Variants in CNTN4 observed in about 807,000 individuals in gnomAD.
The protein encoded by CNTN4 is contactin-4.
Under a neutral mutation model 122.5 loss-of-function variants are expected in CNTN4, and 77 were observed. That is an observed-to-expected ratio of 0.63 (90% CI 0.52 to 0.76). CNTN4 has a LOEUF of 0.76. Among genes scored for constraint, CNTN4 ranks in the 30% least tolerant of loss-of-function variants. CNTN4 has a pLI of 0.00. For synonymous variants in CNTN4, 512 were observed against 447.0 expected (o/e 1.15, Z -1.83); for missense variants, 1,256 against 1,259.1 (o/e 1.00, Z 0.04).
chr3:2,724,584 T>G (rs2088083287), intron 4 of CNTN4, among the ~76,000 whole-genome samples: 1 of 152,078 alleles, frequency 6.6e-6, no homozygotes, highest in South Asian at 2.1e-4. Context: ...ATTACAAACC[T>G]GAAACATTTA....
At chr3:2,276,786 C>T (rs1333960505) in intron 2 of CNTN4, among the ~76,000 whole-genome samples, 5 of 152,022 alleles carry the variant, frequency 3.3e-5, no homozygotes, top group African/African-American at 7.2e-5. Flanking sequence ...CGTGGTGGCG[C>T]GTGCTTGTGA....
intron 3 of CNTN4, among the ~76,000 whole-genome samples, chr3:2,418,700 C>G (rs1280268654): frequency 6.6e-6 from 1 of 152,012 alleles, no homozygotes; most frequent in Non-Finnish European, 1.5e-5. Flanking sequence ...TTCAGCATTT[C>G]TGATATATAA....
At chr3:2,352,077 G>T (rs1162771202) in intron 3 of CNTN4, among the ~76,000 whole-genome samples, 1 of 152,122 alleles carries the variant, frequency 6.6e-6, no homozygotes, top group Non-Finnish European at 1.5e-5. Flanking sequence ...ATACAATTAT[G>T]ATTTATCAAT....
intron 2 of CNTN4, among the ~76,000 whole-genome samples, chr3:2,220,359 C>T (rs2039014734): frequency 6.6e-6 from 1 of 152,154 alleles, no homozygotes; most frequent in Non-Finnish European, 1.5e-5. Flanking sequence ...AAATTCCCTA[C>T]ATTTTGTAAC....
intron 3 of CNTN4, among the ~76,000 whole-genome samples, chr3:2,364,615 T>A (rs1339590769): frequency 1.3e-5 from 2 of 152,036 alleles, no homozygotes; most frequent in Non-Finnish European, 2.9e-5. Context: ...GTTAAATAGT[T>A]ATAGTGCAGG....
chr3:2,363,393 T>G (rs1004842999), intron 3 of CNTN4, among the ~76,000 whole-genome samples: 7 of 152,204 alleles, frequency 4.6e-5, no homozygotes, highest in Non-Finnish European at 7.3e-5. Context: ...AATGCCCTAG[T>G]AGGTTAAGAC....
At chr3:2,708,407 A>G (rs1214909885) in intron 4 of CNTN4, among the ~76,000 whole-genome samples, 20 of 152,340 alleles carry the variant, frequency 1.3e-4, no homozygotes, top group African/African-American at 4.8e-4. Context: ...ATCTGGAAAG[A>G]TAGGAATAAA....
intron 4 of CNTN4, among the ~76,000 whole-genome samples, chr3:2,670,454 TCCTC>T (rs1286328047): frequency 6.6e-6 from 1 of 152,206 alleles, no homozygotes; most frequent in Non-Finnish European, 1.5e-5. Flanking sequence ...TGGTAGATCT[TCCTC>T]CATCCCTTTA....
intron 13 of CNTN4, among the ~76,000 whole-genome samples, chr3:2,935,544 T>C (rs751833753): frequency 9.9e-5 from 15 of 152,174 alleles, no homozygotes; most frequent in Non-Finnish European, 1.9e-4. Context: ...CTCTGAGAAA[T>C]TCAATTGAAT....
At chr3:2,639,655 C>A (rs1478415224) in intron 4 of CNTN4, among the ~76,000 whole-genome samples, 1 of 152,168 alleles carries the variant, frequency 6.6e-6, no homozygotes, top group Non-Finnish European at 1.5e-5. Context: ...GTACTCGATG[C>A]ATATTTATTA....
intron 4 of CNTN4, among the ~76,000 whole-genome samples, chr3:2,728,514 A>G (rs2088405165): frequency 6.6e-6 from 1 of 152,216 alleles, no homozygotes; most frequent in Admixed American, 6.5e-5. Flanking sequence ...AACCCAGCTT[A>G]GCAGAACTTC....
At chr3:2,826,916 C>T (rs1224955997) in intron 7 of CNTN4, among the ~76,000 whole-genome samples, 2 of 152,182 alleles carry the variant, frequency 1.3e-5, no homozygotes, top group South Asian at 2.1e-4. Flanking sequence ...TTTTCAGCTG[C>T]CTCCTTAGTC....
At chr3:2,575,028 A>G (rs1311361136) in intron 4 of CNTN4, among the ~76,000 whole-genome samples, 1 of 152,148 alleles carries the variant, frequency 6.6e-6, no homozygotes, top group Non-Finnish European at 1.5e-5. Flanking sequence ...GCTTTACAAT[A>G]AACTATTAGT....
chr3:2,605,585 T>G (rs964271170), intron 4 of CNTN4, among the ~76,000 whole-genome samples: 6 of 152,084 alleles, frequency 3.9e-5, no homozygotes, highest in South Asian at 2.1e-4. Flanking sequence ...ATTGCAGCAA[T>G]CGATGTAAGA....
chr3:2,274,509 TC>T (rs2041424879), intron 2 of CNTN4, among the ~76,000 whole-genome samples: 1 of 111,878 alleles, frequency 8.9e-6, no homozygotes, highest in South Asian at 4.1e-4. Context: ...GAAACACTGT[TC>T]CTTATTTGCT....
At position 2,206,877 on chromosome 3, in the gene CNTN4, C is replaced by CT. The variant is rs71056400; in HGVS notation, c.-145+106254dup. On this transcript the variant is annotated intron_variant, in intron 2 of 24. Coordinates refer to ENST00000418658, the MANE Select transcript of CNTN4 (RefSeq NM_175607.3). ...GCATTACTGCACTTCGCAGATACTG[C>CT]TTTTTTTTTTTTTTTTAAAGAATTT... Among the ~76,000 whole-genome samples, 265 of 142,452 alleles carry CT rather than the reference C, an allele frequency of 1.9e-3. 1 individual carries two copies. Among genetic ancestry groups the CT allele is most frequent in the Middle Eastern group, 3.8e-3 (1 of 264 alleles). 93.5% of individuals were successfully genotyped at this position (142,452 alleles called of 152,430 possible).
chr3:2,261,092 A>G (rs148735233), intron 2 of CNTN4, among the ~76,000 whole-genome samples: 84 of 152,290 alleles, frequency 5.5e-4, no homozygotes, highest in African/African-American at 1.9e-3. Flanking sequence ...ATGAATAATT[A>G]AAACTAAATT....
intron 13 of CNTN4, among the ~76,000 whole-genome samples, chr3:2,978,125 T>C (rs1181279964): frequency 6.6e-6 from 1 of 152,172 alleles, no homozygotes; most frequent in Admixed American, 6.5e-5. Flanking sequence ...TGCCAGAGTA[T>C]AGATCTTTAT....
intron 4 of CNTN4, among the ~76,000 whole-genome samples, chr3:2,620,758 G>T (rs1471987308): frequency 6.6e-6 from 1 of 152,084 alleles, no homozygotes; most frequent in Non-Finnish European, 1.5e-5. Flanking sequence ...ACAGAAATAT[G>T]CACATCCCTG....
Sources: allele counts gnomAD v4.1 joint callset (sites outside exome capture counted in the v4.1 genomes callset), GRCh38; gene constraint gnomAD v4.1.1; transcripts MANE v1.5; gene names NCBI Gene and HGNC (gene_info 2026-07-23, HGNC 2026-07-21).